The following GLIS3 variants were observed in gnomAD, a reference collection of about 807,000 sequenced individuals.
GLIS3 encodes the protein zinc finger protein GLIS3.
GLIS3 carries 53 observed loss-of-function variants against 78.6 expected under a neutral mutation model. The observed-to-expected ratio is 0.67, with a 90% CI of 0.54 to 0.85. The LOEUF (loss-of-function observed/expected upper bound fraction) is 0.85, where lower values mean the gene tolerates loss of function less well. Among genes scored for constraint, GLIS3 ranks in the 40% least tolerant of loss-of-function variants. The pLI, the probability that GLIS3 is intolerant of heterozygous loss-of-function variation, is 0.00. For synonymous variants in GLIS3, 684 were observed against 509.9 expected (o/e 1.34, Z -4.60); for missense variants, 1,703 against 1,231.1 (o/e 1.38, Z -5.74).
chr9:3,912,969 C>T lies in GLIS3; in HGVS notation c.1984-14134G>A, dbSNP rs575824340. On this transcript the variant is annotated intron_variant, in intron 6 of 10. Transcript: ENST00000381971. ...TGTGACCACACACATTCCATCCCAT[C>T]CATTCAAGTGTAGCATTTTTCTTTC... is the stretch of plus-strand genomic sequence containing the variant. 3.0e-4 allele frequency among the ~76,000 whole-genome samples: 46 copies of T among 152,312 alleles called. 1 individual carries two copies. Among genetic ancestry groups the T allele is most frequent in the African/African-American group, 1.0e-3 (43 of 41,570 alleles).
At chr9:4,177,960 T>C (rs1386124244) in intron 2 of GLIS3, among the ~76,000 whole-genome samples, 2 of 152,248 alleles carry the variant, frequency 1.3e-5, no homozygotes, top group Non-Finnish European at 2.9e-5. Flanking sequence ...TATTTCTTCC[T>C]TGATTCTTCC....
chr9:3,941,041 G>A lies in GLIS3; in HGVS notation c.1711-3852C>T, dbSNP rs139084997. Among the ~76,000 whole-genome samples the A allele has an allele frequency of 2.0e-5, 3 of 152,264 alleles. No homozygotes were observed. In the East Asian group the frequency reaches 5.8e-4, roughly 29 times the overall value. Reference sequence around the variant, plus strand: ...ACCCCAGAATCAGAATGCTGGGAGTGAGGCCCAGCCATCTGACTGCTAACA... The same window carrying A: ...ACCCCAGAATCAGAATGCTGGGAGTAAGGCCCAGCCATCTGACTGCTAACA... On this transcript the variant is annotated intron_variant, in intron 4 of 10. Coordinates refer to ENST00000381971, the MANE Select transcript of GLIS3 (RefSeq NM_001042413.2).
the GLIS3 span, among the ~76,000 whole-genome samples, chr9:4,448,081 GC>G: frequency 3.3e-5 from 5 of 152,090 alleles, no homozygotes; most frequent in African/African-American, 1.2e-4. Context: ...ATAGAGCCCA[GC>G]TTTCCTTGAC....
At chr9:4,138,676 A>G (rs1338619193) in intron 2 of GLIS3, among the ~76,000 whole-genome samples, 1 of 152,226 alleles carries the variant, frequency 6.6e-6, no homozygotes, top group African/African-American at 2.4e-5. Context: ...GACCTTGGGC[A>G]AATGCCTTAA....
chr9:4,071,883 G>A (rs976325067), intron 4 of GLIS3: 4 of 152,310 alleles, frequency 2.6e-5, no homozygotes, highest in Admixed American at 2.0e-4. Flanking sequence ...CCACAAGAAT[G>A]TATCCATAAC....
chr9:4,466,484 C>A, the GLIS3 span, among the ~76,000 whole-genome samples: 1 of 152,066 alleles, frequency 6.6e-6, no homozygotes, highest in Non-Finnish European at 1.5e-5. Context: ...AAAGGCATCA[C>A]AAGAAAGTAG....
chr9:4,059,839 AG>A (rs1177386773), intron 4 of GLIS3, among the ~76,000 whole-genome samples: 3 of 86,892 alleles, frequency 3.5e-5, no homozygotes, highest in African/African-American at 9.6e-5. Context: ...TGAGAGAGAG[AG>A]AGAGAGAGAG....
chr9:4,267,587 C>T (rs529300254), intron 2 of GLIS3, among the ~76,000 whole-genome samples: 36 of 152,314 alleles, frequency 2.4e-4, no homozygotes, highest in Admixed American at 7.8e-4. Flanking sequence ...ACCACCACTA[C>T]CAAGTCTATG....
chr9:3,876,064 C>A (rs1701790648), intron 8 of GLIS3, among the ~76,000 whole-genome samples: 1 of 152,248 alleles, frequency 6.6e-6, no homozygotes, highest in South Asian at 2.1e-4. Context: ...TTTATTTAAT[C>A]CTAATTCCCC....
chr9:4,336,656 C>A (rs78778941), intron 2 of GLIS3, among the ~76,000 whole-genome samples: 1 of 152,164 alleles, frequency 6.6e-6, no homozygotes, highest in Non-Finnish European at 1.5e-5. Context: ...GGTTTAGACC[C>A]AGATCCACCT....
At chr9:3,856,704 T>C (rs1229914957) in intron 8 of GLIS3, among the ~76,000 whole-genome samples, 1 of 152,232 alleles carries the variant, frequency 6.6e-6, no homozygotes, top group African/African-American at 2.4e-5. Flanking sequence ...GCATTTGCTT[T>C]TGCCAAGAAT....
At chr9:4,036,032 T>C (rs901944230) in intron 4 of GLIS3, 1 of 152,290 alleles carries the variant, frequency 6.6e-6, no homozygotes, top group African/African-American at 2.4e-5. Context: ...GTTTACTCTG[T>C]AGGTTTCAGT....
At chr9:4,176,795 T>A (rs1816848956) in intron 2 of GLIS3, among the ~76,000 whole-genome samples, 1 of 152,244 alleles carries the variant, frequency 6.6e-6, no homozygotes, top group Non-Finnish European at 1.5e-5. Context: ...AGCTCATTTT[T>A]GTATTTTTAG....
chr9:3,888,295 A>G (rs1822211920), intron 7 of GLIS3, among the ~76,000 whole-genome samples: 1 of 152,194 alleles, frequency 6.6e-6, no homozygotes. Flanking sequence ...TGCCTCAACT[A>G]TCTCCTACCT....
intron 3 of GLIS3, among the ~76,000 whole-genome samples, chr9:4,120,362 A>G (rs1832082180): frequency 1.3e-5 from 2 of 152,278 alleles, no homozygotes; most frequent in Admixed American, 1.3e-4. Context: ...CAAACACAGC[A>G]GGAATTTACA....
intron 8 of GLIS3, among the ~76,000 whole-genome samples, chr9:3,876,693 G>GGGGAAGGAAGGGAGGGAGGGA (rs1821340401): frequency 0.043 from 20 of 464 alleles, 7 homozygotes; most frequent in Non-Finnish European, 0.055. Context: ...AAGGGAGGGA[G>GGGGAAGGAAGGGAGGGAGGGA]GGGAGGGAGG....
intron 9 of GLIS3, among the ~76,000 whole-genome samples, chr9:3,853,839 A>G (rs1031638118): frequency 1.8e-4 from 27 of 152,210 alleles, no homozygotes; most frequent in Non-Finnish European, 2.5e-4. Flanking sequence ...ACATAGGTCA[A>G]TTTTCAAATT....
chr9:4,109,529 T>A (rs1831040848), intron 4 of GLIS3, among the ~76,000 whole-genome samples: 1 of 152,216 alleles, frequency 6.6e-6, no homozygotes. Flanking sequence ...TATGTTTTAA[T>A]GAGGAATTAA....
the GLIS3 span, among the ~76,000 whole-genome samples, chr9:4,394,358 A>G: frequency 1.5e-4 from 23 of 150,754 alleles, no homozygotes; most frequent in African/African-American, 5.6e-4. Context: ...TTTAATCTTT[A>G]AGCCCCTAGC....
Sources: gnomAD v4.1 joint callset for allele counts (sites outside exome capture counted in the v4.1 genomes callset) on GRCh38, gnomAD v4.1.1 for gene constraint, MANE v1.5 for transcripts, NCBI Gene and HGNC (gene_info 2026-07-23, HGNC 2026-07-21) for gene names.